CSMD1: variants seen among roughly 807,000 people sequenced by gnomAD.
CSMD1 encodes CUB and sushi domain-containing protein 1.
A neutral mutation model predicts 417.5 loss-of-function variants in CSMD1; 213 were observed. That is an observed-to-expected ratio of 0.51 (90% confidence interval 0.46 to 0.57). The LOEUF is 0.57. Ranked by LOEUF, CSMD1 falls within the 20% of genes least tolerant of loss-of-function variation. CSMD1 has a pLI of 0.00. For synonymous variants in CSMD1, 2,862 were observed against 1,736.8 expected, an observed-to-expected ratio of 1.65 and a Z score of -16.11; for missense variants, 6,923 against 4,529.7, an observed-to-expected ratio of 1.53 and a Z score of -15.17.
chr8:4,314,889 G>A (rs1392316728), intron 3 of CSMD1, among the ~76,000 whole-genome samples: 1 of 152,152 alleles, frequency 6.6e-6, no homozygotes, highest in East Asian at 1.9e-4. Context: ...TTGGAGTGAA[G>A]AACATAATTG....
At chr8:3,810,320 G>C (rs1312018678) in intron 5 of CSMD1, among the ~76,000 whole-genome samples, 1 of 152,180 alleles carries the variant, frequency 6.6e-6, no homozygotes, top group Non-Finnish European at 1.5e-5. Flanking sequence ...CAAACAACCA[G>C]AGCCACTGGG....
At chr8:4,164,886 A>AT (rs201946037) in intron 3 of CSMD1, among the ~76,000 whole-genome samples, 2,026 of 127,334 alleles carry the variant, frequency 0.016, 61 homozygotes, top group African/African-American at 0.053. Context: ...CAAAGAAAAA[A>AT]AAAAATATAT....
intron 3 of CSMD1, among the ~76,000 whole-genome samples, chr8:4,041,229 G>C (rs953336099): frequency 1.3e-5 from 2 of 152,022 alleles, no homozygotes; most frequent in Admixed American, 6.5e-5. Flanking sequence ...GTGTTAGCCA[G>C]GATGGTCACG....
At chr8:3,382,928 A>G (rs967510909) in intron 18 of CSMD1, among the ~76,000 whole-genome samples, 2 of 152,198 alleles carry the variant, frequency 1.3e-5, no homozygotes, top group African/African-American at 2.4e-5. Context: ...AAAAAAACCC[A>G]AAACTAAATG....
chr8:4,464,818 T>C (rs1800059483), intron 2 of CSMD1, among the ~76,000 whole-genome samples: 1 of 152,096 alleles, frequency 6.6e-6, no homozygotes. Context: ...CTCTTTGAAG[T>C]TTTGGGAGGA....
rs998181657 is a variant in CSMD1, at chr8:4,591,957, C to G, written c.302+45385G>C. Among the ~76,000 whole-genome samples, 4 of 152,152 alleles carry G rather than the reference C, an allele frequency of 2.6e-5. No homozygotes were observed. In the East Asian group the frequency reaches 7.8e-4, roughly 30 times the overall value. ...GAAAGGCAGCTGCTAGTGCAAACGC[C>G]TAGATAGATGGAGATATTGGCAAAG... is the stretch of plus-strand genomic sequence containing the variant. On this transcript the variant is annotated intron_variant, in intron 2 of 69. Transcript: ENST00000635120.
In CSMD1 at chr8:3,969,214, C is replaced by A. The variant is rs530937580; in HGVS notation, c.818+28689G>T. 2.0e-5 allele frequency among the ~76,000 whole-genome samples: 3 copies of A among 152,298 alleles called. No individual in the cohort carries two copies. The South Asian group carries it at 6.2e-4, about 32-fold the overall frequency. On this transcript the variant is annotated intron_variant, in intron 5 of 69. Coordinates refer to ENST00000635120, the MANE Select transcript of CSMD1 (RefSeq NM_033225.6). ...GCAGTGAGCCTAGATCGTGACACTGCACTCCAGCCTGGGTGACAGAGTGAG... is the reference window on the plus strand; with the variant it reads ...GCAGTGAGCCTAGATCGTGACACTGAACTCCAGCCTGGGTGACAGAGTGAG...
At chr8:4,631,809 G>C (rs953603736) in intron 2 of CSMD1, among the ~76,000 whole-genome samples, 1 of 152,128 alleles carries the variant, frequency 6.6e-6, no homozygotes, top group African/African-American at 2.4e-5. Context: ...GGGTAATCTT[G>C]TTAAAGTTAG....
chr8:4,380,812 C>T (rs1416636149), intron 3 of CSMD1, among the ~76,000 whole-genome samples: 1 of 152,100 alleles, frequency 6.6e-6, no homozygotes, highest in Non-Finnish European at 1.5e-5. Flanking sequence ...GGGAGCAAGG[C>T]ACATTAATTT....
intron 4 of CSMD1, among the ~76,000 whole-genome samples, chr8:4,031,702 A>G (rs1274382782): frequency 3.3e-5 from 5 of 152,238 alleles, no homozygotes; most frequent in Non-Finnish European, 7.3e-5. Context: ...CTAACATGCA[A>G]TATTAAATGT....
chr8:3,343,419 G>T lies in CSMD1; in HGVS notation c.3506C>A (p.Pro1169Gln). 1.2e-6 allele frequency: 2 copies of T among 1,613,726 alleles called. No homozygotes were observed. The highest frequency in any genetic ancestry group is 1.7e-6 in the Non-Finnish European group (2 of 1,179,732). ...VYDGKDSSSRPLGTFTKNELL... is the reference protein window; with the variant it reads ...VYDGKDSSSRQLGTFTKNELL... ...TTCATTTTTAGTGAACGTGCCCAGT[G>T]GACGTGAGGAACTGTCTTTTCCATC... Residue 1169 changes from proline (P) to glutamine (Q), a missense_variant, in exon 23 of 70, where the codon CCA (proline) becomes CAA (glutamine). Coordinates refer to ENST00000635120, the MANE Select transcript of CSMD1 (RefSeq NM_033225.6).
chr8:3,116,894 G>A (rs969326875), intron 42 of CSMD1, among the ~76,000 whole-genome samples: 2 of 152,016 alleles, frequency 1.3e-5, no homozygotes, highest in Non-Finnish European at 2.9e-5. Context: ...AGAACGGAAA[G>A]TAGACTTAAA....
chr8:3,415,483 G>C (rs188580569), intron 12 of CSMD1, among the ~76,000 whole-genome samples: 1 of 152,138 alleles, frequency 6.6e-6, no homozygotes, highest in Non-Finnish European at 1.5e-5. Context: ...TCAGCCTCCT[G>C]CATATCTGGG....
At chr8:3,682,172 A>G (rs1021705679) in intron 7 of CSMD1, among the ~76,000 whole-genome samples, 6 of 152,320 alleles carry the variant, frequency 3.9e-5, no homozygotes, top group African/African-American at 1.4e-4. Context: ...AATGGCAACA[A>G]AAGCCAAAAT....
At chr8:3,772,439 TTATATATACAC>T (rs1563064313) in intron 5 of CSMD1, among the ~76,000 whole-genome samples, 7,682 of 80,556 alleles carry the variant, frequency 0.095, 1,977 homozygotes, top group African/African-American at 0.19. Flanking sequence ...ATACATACAT[TTATATATACAC>T]ATATATATAC....
chr8:3,034,769 G>T (rs1465001815), intron 50 of CSMD1, among the ~76,000 whole-genome samples: 1 of 152,094 alleles, frequency 6.6e-6, no homozygotes, highest in Non-Finnish European at 1.5e-5. Flanking sequence ...AGTCTATAGG[G>T]ACATTTTCAT....
At chr8:3,594,810 C>A (rs1287281085) in intron 8 of CSMD1, among the ~76,000 whole-genome samples, 1 of 152,148 alleles carries the variant, frequency 6.6e-6, no homozygotes, top group Non-Finnish European at 1.5e-5. Flanking sequence ...CCGAGGGAAC[C>A]GCGGTGTGTC....
intron 1 of CSMD1, among the ~76,000 whole-genome samples, chr8:4,715,141 A>T (rs1808571967): frequency 6.6e-6 from 1 of 152,224 alleles, no homozygotes; most frequent in Non-Finnish European, 1.5e-5. Flanking sequence ...AGATTAACGT[A>T]ACTATAAACT....
intron 5 of CSMD1, among the ~76,000 whole-genome samples, chr8:3,876,614 G>A (rs938759209): frequency 2.0e-5 from 3 of 152,080 alleles, no homozygotes; most frequent in African/African-American, 7.2e-5. Flanking sequence ...GTTTTTGTTT[G>A]TTTCTTTGTT....
Sources: gnomAD v4.1 joint callset for allele counts (sites outside exome capture counted in the v4.1 genomes callset) on GRCh38, gnomAD v4.1.1 for gene constraint, MANE v1.5 for transcripts, NCBI Gene and HGNC (gene_info 2026-07-23, HGNC 2026-07-21) for gene names.